CLSTN1: variants seen among roughly 807,000 people sequenced by gnomAD.
The protein encoded by CLSTN1 is calsyntenin 1, also known as calsyntenin-1.
In CLSTN1, 28 loss-of-function variants were observed where a neutral mutation model predicts 108.3. That is an observed-to-expected ratio of 0.26 (90% CI 0.19 to 0.35). The LOEUF (loss-of-function observed/expected upper bound fraction) is 0.35, where lower values mean the gene tolerates loss of function less well. Among genes scored for constraint, CLSTN1 ranks in the 10% least tolerant of loss-of-function variants. CLSTN1 has a pLI of 1.00. For synonymous variants in CLSTN1, 524 were observed against 534.9 expected (o/e 0.98, Z 0.28); for missense variants, 1,157 against 1,302.6 (o/e 0.89, Z 1.72).
intron 1 of CLSTN1, among the ~76,000 whole-genome samples, chr1:9,794,802 A>G (rs1428482987): frequency 6.6e-6 from 1 of 151,486 alleles, no homozygotes; most frequent in Admixed American, 6.7e-5. Flanking sequence ...CTTAATCAAA[A>G]CATAACAGAC....
Position 9,731,780 on chromosome 1 carries a change from G to A in CLSTN1, c.2544C>T (p.Ala848=), listed in dbSNP as rs545971104. 6 of 1,614,210 alleles carry A rather than the reference G, an allele frequency of 3.7e-6. No homozygotes were observed. The Admixed American group carries it at 1.0e-4, about 27-fold the overall frequency. The change falls in exon 17 of 19, where the codon GCC becomes GCT. Residue 848 remains alanine (A), a synonymous_variant. Coordinates refer to ENST00000377298, the MANE Select transcript of CLSTN1 (RefSeq NM_001009566.3). ...SFVDLSGHNL[A]NPHPFAVVPS... ...TCCTACCTGCGAACGGGTGGGGGTT[G>A]GCCAGGTTGTGGCCTGACAGGTCAA...
intron 2 of CLSTN1, 69 bp downstream of exon 2, chr1:9,773,203 A>G: frequency 6.2e-7 from 1 of 1,600,686 alleles, no homozygotes. Flanking sequence ...GCATTACCCA[A>G]ATGGGATGTG....
intron 4 of CLSTN1, among the ~76,000 whole-genome samples, chr1:9,753,857 G>T (rs1160844366): frequency 6.6e-6 from 1 of 151,554 alleles, no homozygotes; most frequent in Non-Finnish European, 1.5e-5. Flanking sequence ...CTGACACTCA[G>T]ACTGGAGTAC....
Position 9,730,796 on chromosome 1 carries a change from G to T in CLSTN1, c.2749-91C>A. On this transcript the variant is annotated intron_variant, in intron 18 of 18. Transcript: ENST00000377298. This position sits in a 1 kb window ranked among gnomAD's most constrained non-coding sequence, Gnocchi z 5.6. ...CCTCTCGACAGCCACAGAGGAAGGA[G>T]AACTTGCCCCAGCGTCTCCCTCCCC... is the stretch of plus-strand genomic sequence containing the variant. 7.9e-7 allele frequency: 1 copy of T among 1,261,872 alleles called. No individual in the cohort carries two copies. The highest frequency in any genetic ancestry group is 1.1e-6 in the Non-Finnish European group (1 of 900,018). 78.2% of individuals were successfully genotyped at this position (1,261,872 alleles called of 1,614,324 possible).
In CLSTN1 at chr1:9,734,745, T is replaced by C. The variant is rs1479448737; in HGVS notation, c.2110+203A>G. ...AAGCCTGGCAGCAACCAGGAAAAGATGTAAGACCCCTCCAGATGGGATTCC... is the reference window on the plus strand; with the variant it reads ...AAGCCTGGCAGCAACCAGGAAAAGACGTAAGACCCCTCCAGATGGGATTCC... On this transcript the variant is annotated intron_variant, in intron 14 of 18. Transcript: ENST00000377298. The surrounding 1 kb of genome is among the most constrained non-coding windows in gnomAD (Gnocchi z 4.8). Among the ~76,000 whole-genome samples, 1 of 152,012 alleles carries C rather than the reference T, an allele frequency of 6.6e-6. No individual in the cohort carries two copies. The highest frequency in any genetic ancestry group is 6.5e-5 in the Admixed American group (1 of 15,274).
chr1:9,799,567 G>C (rs1220796395), intron 1 of CLSTN1, among the ~76,000 whole-genome samples: 1 of 151,380 alleles, frequency 6.6e-6, no homozygotes, highest in Non-Finnish European at 1.5e-5. Flanking sequence ...TGTGAACCCG[G>C]GAGGCAGACT....
At chr1:9,793,840 G>A (rs1324559017) in intron 1 of CLSTN1, among the ~76,000 whole-genome samples, 1 of 151,452 alleles carries the variant, frequency 6.6e-6, no homozygotes, top group African/African-American at 2.4e-5. Context: ...GCAAAACAGT[G>A]CAAAGTTGGG....
rs1390235730 is a variant in CLSTN1, at chr1:9,770,044, A to G, written c.214+3228T>C. Among the ~76,000 whole-genome samples, 15 of 138,142 alleles carry G rather than the reference A, an allele frequency of 1.1e-4. 1 individual carries two copies. Among genetic ancestry groups the G allele is most frequent in the South Asian group, 9.3e-4 (4 of 4,290 alleles). The allele number at this position is 138,142 out of a possible 152,430, so 90.6% of individuals were successfully genotyped here. A position where few individuals can be genotyped will look rare whatever the true frequency, so the allele number is the denominator to read the frequency against. ...GACTCCGTCTCAAAAAAAAAAAAAA[A>G]GGGTGATTTTTGTGGCATATGAATT... is the stretch of plus-strand genomic sequence containing the variant. On this transcript the variant is annotated intron_variant, in intron 2 of 18. Transcript: ENST00000377298.
chr1:9,818,158 C>T (rs1655050329), intron 1 of CLSTN1, among the ~76,000 whole-genome samples: 1 of 151,872 alleles, frequency 6.6e-6, no homozygotes. Context: ...CAGGCATATG[C>T]CACCATGCCC....
At chr1:9,769,768 C>A (rs1040260829) in intron 2 of CLSTN1, among the ~76,000 whole-genome samples, 2 of 152,084 alleles carry the variant, frequency 1.3e-5, no homozygotes, top group African/African-American at 4.8e-5. Flanking sequence ...TTTGGCAGGG[C>A]GCGGTGGCTC....
intron 1 of CLSTN1, among the ~76,000 whole-genome samples, chr1:9,785,212 T>C (rs1653430018): frequency 6.6e-6 from 1 of 152,176 alleles, no homozygotes; most frequent in South Asian, 2.1e-4. Flanking sequence ...TTCACCATGT[T>C]GGCCAGTCTG....
chr1:9,784,347 TAAAA>T (rs963621935), intron 1 of CLSTN1, among the ~76,000 whole-genome samples: 3 of 131,134 alleles, frequency 2.3e-5, no homozygotes, highest in African/African-American at 8.5e-5. Flanking sequence ...CCCTCTTGAA[TAAAA>T]AAAAAAAGTT....
chr1:9,814,659 CAGCACTT>C (rs1309794820), intron 1 of CLSTN1, among the ~76,000 whole-genome samples: 1 of 152,190 alleles, frequency 6.6e-6, no homozygotes, highest in East Asian at 1.9e-4. Flanking sequence ...CCTATAATCG[CAGCACTT>C]TGGAGGGCCA....
chr1:9,762,365 G>A (rs1034553145), intron 2 of CLSTN1, among the ~76,000 whole-genome samples: 1 of 152,074 alleles, frequency 6.6e-6, no homozygotes, highest in Admixed American at 6.5e-5. Flanking sequence ...GGAGGCTGAG[G>A]CATGAGAATC....
At position 9,785,597 on chromosome 1, in the gene CLSTN1, C is replaced by A. The variant is rs1298175166; in HGVS notation, c.92-12203G>T. ...AAAACCACTGGATGTCCGCGGCCTC[C>A]CCACCAAGATGTGCCAACCAGAAGT... is the stretch of plus-strand genomic sequence containing the variant. On this transcript the variant is annotated intron_variant, in intron 1 of 18. Coordinates refer to ENST00000377298, the MANE Select transcript of CLSTN1 (RefSeq NM_001009566.3). Among the ~76,000 whole-genome samples the A allele has an allele frequency of 5.9e-5, 9 of 152,176 alleles. 3 individuals carry two copies. Among genetic ancestry groups the A allele is most frequent in the Admixed American group, 5.9e-4 (9 of 15,272 alleles).
intron 9 of CLSTN1, 44 bp downstream of exon 9, chr1:9,743,840 G>A (rs1474366898): frequency 1.2e-6 from 2 of 1,608,292 alleles, no homozygotes; most frequent in East Asian, 2.2e-5. Flanking sequence ...TTATAGGTGT[G>A]AGCACCTTGC....
intron 2 of CLSTN1, among the ~76,000 whole-genome samples, chr1:9,759,682 C>A (rs1357523208): frequency 6.6e-6 from 1 of 152,176 alleles, no homozygotes; most frequent in African/African-American, 2.4e-5. Context: ...GAGGTTGTTG[C>A]AGAGTTACAT....
Position 9,735,065 on chromosome 1 carries a change from G to A in CLSTN1, c.1993C>T (p.Arg665Ter), listed in dbSNP as rs982931919. Residue 665 changes from arginine (R) to a stop codon, truncating the protein, a stop_gained, in exon 14 of 19, where the codon CGA (arginine) becomes TGA (stop). Transcript: ENST00000377298. LOFTEE classifies it high-confidence loss of function. ...GAGCTTTCAAATTCAGAAGCTGCTC[G>A]GGCAAAATGGTGGACGCCACTCAGG... ...ISLSGVHHFARAASEFESSEG... is the reference protein window; with the variant it reads ...ISLSGVHHFA The A allele has an allele frequency of 1.2e-6, 2 of 1,614,194 alleles. No homozygotes were observed. The highest frequency in any genetic ancestry group is 1.7e-6 in the Non-Finnish European group (2 of 1,180,040).
intron 4 of CLSTN1, among the ~76,000 whole-genome samples, chr1:9,754,187 A>G (rs1224411965): frequency 1.3e-5 from 2 of 152,036 alleles, no homozygotes; most frequent in African/African-American, 4.8e-5. Context: ...AGGGAGAAGC[A>G]GACTTTTTCA....
Sources: allele counts gnomAD v4.1 joint callset (sites outside exome capture counted in the v4.1 genomes callset), GRCh38; gene constraint gnomAD v4.1.1; non-coding constraint Gnocchi (gnomAD v3.1); transcripts MANE v1.5; gene names NCBI Gene and HGNC (gene_info 2026-07-23, HGNC 2026-07-21).